Variants in KCNK10 observed in about 807,000 individuals in gnomAD.
The protein encoded by KCNK10 is potassium two pore domain channel subfamily K member 10, also known as potassium channel subfamily K member 10.
KCNK10 carries 25 observed loss-of-function variants against 47.7 expected under a neutral mutation model. The observed-to-expected ratio is 0.52, with a 90% CI of 0.38 to 0.73. The LOEUF (loss-of-function observed/expected upper bound fraction) is 0.73. Among genes scored for constraint, KCNK10 ranks in the 30% least tolerant of loss-of-function variants. KCNK10 has a pLI of 0.00. For synonymous variants in KCNK10, 303 were observed against 285.6 expected, an observed-to-expected ratio of 1.06 and a Z score of -0.61; for missense variants, 563 against 714.5, an observed-to-expected ratio of 0.79 and a Z score of 2.42.
intron 2 of KCNK10, among the ~76,000 whole-genome samples, chr14:88,245,820 A>G (rs150521627): frequency 1.9e-3 from 295 of 152,320 alleles, no homozygotes; most frequent in Admixed American, 4.0e-3. Flanking sequence ...GGAACTTGCA[A>G]ATAAAAAGGT....
chr14:88,268,774 T>C (rs932048406), intron 1 of KCNK10, among the ~76,000 whole-genome samples: 5 of 152,204 alleles, frequency 3.3e-5, no homozygotes, highest in Non-Finnish European at 4.4e-5. Flanking sequence ...AGAAGAGTAC[T>C]GGGCAGCAAA....
intron 1 of KCNK10, among the ~76,000 whole-genome samples, chr14:88,286,955 A>G (rs375787150): frequency 7.9e-5 from 12 of 152,236 alleles, no homozygotes; most frequent in African/African-American, 2.9e-4. Context: ...AAAATAAAAT[A>G]GTAACATTAA....
intron 4 of KCNK10, among the ~76,000 whole-genome samples, chr14:88,208,508 G>A (rs1037398342): frequency 1.1e-4 from 16 of 152,162 alleles, no homozygotes; most frequent in Non-Finnish European, 2.4e-4. Flanking sequence ...GCAGAGTCAA[G>A]AAGCATACAG....
chr14:88,235,926 T>C (rs1264643207), intron 3 of KCNK10, among the ~76,000 whole-genome samples: 1 of 152,164 alleles, frequency 6.6e-6, no homozygotes, highest in East Asian at 1.9e-4. Context: ...TAAAGTCACC[T>C]ATAAAAGTGG....
intron 1 of KCNK10, among the ~76,000 whole-genome samples, chr14:88,319,211 C>T (rs1165125949): frequency 6.6e-6 from 1 of 152,198 alleles, no homozygotes; most frequent in African/African-American, 2.4e-5. Flanking sequence ...CTTGACAATG[C>T]TTTGCTTAAT....
At chr14:88,271,190 G>T (rs1312847872) in intron 1 of KCNK10, among the ~76,000 whole-genome samples, 1 of 152,054 alleles carries the variant, frequency 6.6e-6, no homozygotes, top group Non-Finnish European at 1.5e-5. Context: ...CCCTTCCTTT[G>T]TGTCTCAATA....
In KCNK10 at chr14:88,180,163, T is replaced by C. The variant is rs1015351552; in HGVS notation, c.*5372A>G. The C allele has an allele frequency of 6.6e-6, 1 of 152,302 alleles. No homozygotes were observed. Among genetic ancestry groups the C allele is most frequent in the Non-Finnish European group, 1.5e-5 (1 of 68,026 alleles). 9.4% of individuals were successfully genotyped at this position (152,302 alleles called of 1,614,324 possible). ...TTTTCTCCATCATTGAAAAAAAAAT[T>C]ACATCATCAAATAAAGACAATAGCA... On this transcript the variant is annotated 3_prime_UTR_variant, in exon 7 of 7. Transcript: ENST00000319231.
chr14:88,310,205 G>GATATACCATATGATATGGTATATA (rs1566721486), intron 1 of KCNK10, among the ~76,000 whole-genome samples: 1 of 42,338 alleles, frequency 2.4e-5, no homozygotes, highest in Non-Finnish European at 6.1e-5. Context: ...TATGGTATAT[G>GATATACCATATGATATGGTATATA]ATATACCATA....
chr14:88,200,237 A>T (rs77267576), intron 4 of KCNK10, among the ~76,000 whole-genome samples: 7,232 of 152,074 alleles, frequency 0.048, 417 homozygotes, highest in East Asian at 0.23. Flanking sequence ...ACTATAAATA[A>T]TAATAAAATA....
intron 2 of KCNK10, among the ~76,000 whole-genome samples, chr14:88,261,964 C>G (rs1401231067): frequency 6.6e-6 from 1 of 152,122 alleles, no homozygotes; most frequent in Non-Finnish European, 1.5e-5. Flanking sequence ...ATTATTAAAA[C>G]TAACTGACAA....
chr14:88,261,329 T>C (rs1445059947), intron 2 of KCNK10, among the ~76,000 whole-genome samples: 1 of 152,228 alleles, frequency 6.6e-6, no homozygotes. Context: ...TGTGTATAAA[T>C]GTAATTATAC....
chr14:88,263,101 G>A (rs948902254), intron 2 of KCNK10, 101 bp downstream of exon 2: 4 of 918,920 alleles, frequency 4.4e-6, no homozygotes, highest in Non-Finnish European at 6.4e-6. Flanking sequence ...TGACCACCAA[G>A]AGCCTCTCAA....
At chr14:88,225,821 G>A (rs1885965257) in intron 4 of KCNK10, among the ~76,000 whole-genome samples, 1 of 152,226 alleles carries the variant, frequency 6.6e-6, no homozygotes, top group Admixed American at 6.5e-5. Flanking sequence ...GTTCAAAAGA[G>A]TTCTTGGAGA....
At chr14:88,239,673 A>G (rs1056526796) in intron 3 of KCNK10, among the ~76,000 whole-genome samples, 6 of 152,114 alleles carry the variant, frequency 3.9e-5, no homozygotes, top group Non-Finnish European at 7.4e-5. Context: ...AGCCTGGCCA[A>G]TGTGGTGAAA....
At chr14:88,261,828 T>C (rs1298238578) in intron 2 of KCNK10, among the ~76,000 whole-genome samples, 1 of 152,168 alleles carries the variant, frequency 6.6e-6, no homozygotes, top group East Asian at 1.9e-4. Flanking sequence ...AACACTTATA[T>C]GAAATGCTGC....
intron 3 of KCNK10, among the ~76,000 whole-genome samples, chr14:88,233,230 T>C (rs1270566742): frequency 6.6e-6 from 1 of 152,212 alleles, no homozygotes; most frequent in Non-Finnish European, 1.5e-5. Context: ...GCTCAAATGA[T>C]GTAAACAAGA....
intron 4 of KCNK10, among the ~76,000 whole-genome samples, chr14:88,204,784 G>C (rs1885212173): frequency 6.6e-6 from 1 of 152,114 alleles, no homozygotes; most frequent in South Asian, 2.1e-4. Flanking sequence ...GAAAGGTACA[G>C]AGATCTCCCA....
chr14:88,220,244 C>T (rs1351934058), intron 4 of KCNK10, among the ~76,000 whole-genome samples: 3 of 150,524 alleles, frequency 2.0e-5, no homozygotes, highest in East Asian at 1.9e-4. Context: ...GGTGAAACCC[C>T]GTCTCTACTA....
intron 1 of KCNK10, among the ~76,000 whole-genome samples, chr14:88,279,460 C>T (rs1284223330): frequency 1.3e-5 from 2 of 150,582 alleles, no homozygotes; most frequent in African/African-American, 2.4e-5. Flanking sequence ...TTAAAGGGTG[C>T]AATTCAATGT....
Sources: allele counts gnomAD v4.1 joint callset (sites outside exome capture counted in the v4.1 genomes callset), GRCh38; gene constraint gnomAD v4.1.1; transcripts MANE v1.5; gene names NCBI Gene and HGNC (gene_info 2026-07-23, HGNC 2026-07-21).